KLF12: variants seen among roughly 807,000 people sequenced by gnomAD.
The protein encoded by KLF12 is Krueppel-like factor 12.
KLF12 carries 9 observed loss-of-function variants against 37.8 expected under a neutral mutation model. That is an observed-to-expected ratio of 0.24 (90% CI 0.14 to 0.42). The LOEUF (loss-of-function observed/expected upper bound fraction) is 0.42, where lower values mean the gene tolerates loss of function less well. Ranked by LOEUF, KLF12 falls within the 10% of genes least tolerant of loss-of-function variation. The pLI, the probability that KLF12 is intolerant of heterozygous loss-of-function variation, is 1.00. For synonymous variants in KLF12, 208 were observed against 202.1 expected, an observed-to-expected ratio of 1.03 and a Z score of -0.25; for missense variants, 411 against 516.0, an observed-to-expected ratio of 0.80 and a Z score of 1.97.
chr13:73,722,544 C>G lies in KLF12; in HGVS notation c.870-7019G>C, dbSNP rs1478618611. On this transcript the variant is annotated intron_variant, in intron 6 of 7. Transcript: ENST00000377669. ...GGAGGTGGAGCAGATTCACAGGCATCAAGTTCCTCTCTCACTCCTGTCTGT... is the reference window on the plus strand; with the variant it reads ...GGAGGTGGAGCAGATTCACAGGCATGAAGTTCCTCTCTCACTCCTGTCTGT... 2.6e-5 allele frequency among the ~76,000 whole-genome samples: 4 copies of G among 152,210 alleles called. No homozygotes were observed. In the East Asian group the frequency reaches 5.8e-4, roughly 22 times the overall value.
At chr13:73,972,924 A>G (rs190045211) in intron 2 of KLF12, among the ~76,000 whole-genome samples, 3 of 152,158 alleles carry the variant, frequency 2.0e-5, no homozygotes, top group African/African-American at 4.8e-5. Context: ...CAGCATATGT[A>G]TCTATCGTAT....
chr13:73,737,353 C>A (rs1051684780), intron 6 of KLF12, among the ~76,000 whole-genome samples: 8 of 152,118 alleles, frequency 5.3e-5, no homozygotes, highest in African/African-American at 1.9e-4. Flanking sequence ...TACTAAGAGG[C>A]CTTTTCTCAA....
At chr13:73,705,567 C>G (rs1874873231) in intron 7 of KLF12, among the ~76,000 whole-genome samples, 1 of 152,202 alleles carries the variant, frequency 6.6e-6, no homozygotes, top group Admixed American at 6.5e-5. Flanking sequence ...GCCAATGTGT[C>G]CAATCCTATT....
intron 4 of KLF12, among the ~76,000 whole-genome samples, chr13:73,843,050 C>G (rs1018503603): frequency 2.0e-5 from 3 of 152,052 alleles, no homozygotes; most frequent in African/African-American, 7.2e-5. Flanking sequence ...ATGGGATGTC[C>G]TCAAATAATT....
chr13:74,241,511 A>G, the KLF12 span, among the ~76,000 whole-genome samples: 237 of 152,122 alleles, frequency 1.6e-3, no homozygotes, highest in South Asian at 4.2e-3. Flanking sequence ...ACCTAATCAA[A>G]CCTGGGCAAT....
chr13:74,037,822 T>C (rs1343680870), intron 1 of KLF12, among the ~76,000 whole-genome samples: 1 of 152,174 alleles, frequency 6.6e-6, no homozygotes, highest in Non-Finnish European at 1.5e-5. Context: ...ACAGATAAAA[T>C]CACTGCTGCT....
chr13:73,929,472 G>A (rs142641048), intron 3 of KLF12, among the ~76,000 whole-genome samples: 341 of 152,242 alleles, frequency 2.2e-3, no homozygotes, highest in Non-Finnish European at 4.2e-3. Context: ...TCCACACATC[G>A]TATCGCATAG....
the KLF12 span, among the ~76,000 whole-genome samples, chr13:74,189,028 C>A: frequency 6.6e-6 from 1 of 152,020 alleles, no homozygotes; most frequent in Non-Finnish European, 1.5e-5. Context: ...AAAACAAAAA[C>A]CCAAAAAGTG....
the KLF12 span, among the ~76,000 whole-genome samples, chr13:74,150,346 A>T: frequency 6.6e-6 from 1 of 152,120 alleles, no homozygotes; most frequent in African/African-American, 2.4e-5. Flanking sequence ...ATGTTCCAAG[A>T]CCCCCAGTGG....
the KLF12 span, among the ~76,000 whole-genome samples, chr13:74,301,112 C>T: frequency 2.6e-5 from 4 of 152,288 alleles, no homozygotes; most frequent in African/African-American, 9.6e-5. Context: ...TTTTAAAAAA[C>T]TTTCTGACTC....
chr13:74,220,975 A>G, the KLF12 span, among the ~76,000 whole-genome samples: 1 of 151,292 alleles, frequency 6.6e-6, no homozygotes. Flanking sequence ...GAAAACATAT[A>G]TATCACTTAG....
chr13:73,778,807 C>T (rs2138178261), intron 5 of KLF12, among the ~76,000 whole-genome samples: 1 of 152,228 alleles, frequency 6.6e-6, no homozygotes, highest in South Asian at 2.1e-4. Context: ...AACTCAAGTC[C>T]AGGCCTGAGG....
chr13:73,783,573 A>C (rs969517204), intron 5 of KLF12, among the ~76,000 whole-genome samples: 1 of 152,160 alleles, frequency 6.6e-6, no homozygotes, highest in East Asian at 1.9e-4. Flanking sequence ...GAATGTATCA[A>C]AATATCCCAC....
chr13:73,910,429 C>G (rs1227311046), intron 3 of KLF12, among the ~76,000 whole-genome samples: 1 of 152,136 alleles, frequency 6.6e-6, no homozygotes, highest in African/African-American at 2.4e-5. Flanking sequence ...TAATCTTAAA[C>G]TACAGATTGT....
chr13:73,840,925 C>T (rs979501514), intron 4 of KLF12, among the ~76,000 whole-genome samples: 4 of 152,104 alleles, frequency 2.6e-5, no homozygotes, highest in African/African-American at 9.7e-5. Flanking sequence ...TTTGAACCTG[C>T]AGCTCTCTCT....
intron 1 of KLF12, among the ~76,000 whole-genome samples, chr13:74,070,075 A>G (rs1874140507): frequency 6.6e-6 from 1 of 152,202 alleles, no homozygotes; most frequent in South Asian, 2.1e-4. Flanking sequence ...ATAAATGGGC[A>G]CATGATGTAA....
chr13:74,283,858 C>CTTT, the KLF12 span, among the ~76,000 whole-genome samples: 9 of 143,546 alleles, frequency 6.3e-5, no homozygotes, highest in Non-Finnish European at 1.1e-4. Flanking sequence ...ATGTATAAAT[C>CTTT]TTTTTTTTTT....
the KLF12 span, among the ~76,000 whole-genome samples, chr13:74,153,969 T>C: frequency 6.6e-6 from 1 of 152,110 alleles, no homozygotes; most frequent in Non-Finnish European, 1.5e-5. Flanking sequence ...GGCTTATGCC[T>C]GTAATCCCAG....
intron 6 of KLF12, among the ~76,000 whole-genome samples, chr13:73,758,900 A>G (rs975380862): frequency 2.0e-5 from 3 of 152,182 alleles, no homozygotes; most frequent in African/African-American, 7.2e-5. Context: ...AAATTAGGCC[A>G]AAGTTCTTTC....
Sources: allele counts gnomAD v4.1 joint callset (sites outside exome capture counted in the v4.1 genomes callset), GRCh38; gene constraint gnomAD v4.1.1; transcripts MANE v1.5; gene names NCBI Gene and HGNC (gene_info 2026-07-23, HGNC 2026-07-21).